PTPRQ: variants seen among roughly 807,000 people sequenced by gnomAD.
PTPRQ encodes the protein phosphatidylinositol phosphatase PTPRQ.
A neutral mutation model predicts 246.0 loss-of-function variants in PTPRQ; 199 were observed. The observed-to-expected ratio is 0.81, with a 90% confidence interval of 0.72 to 0.91. The LOEUF (loss-of-function observed/expected upper bound fraction) is 0.91, where lower values mean the gene tolerates loss of function less well. Ranked by LOEUF, PTPRQ falls within the 40% of genes least tolerant of loss-of-function variation. The pLI is 0.00. For synonymous variants in PTPRQ, 869 were observed against 853.2 expected, an observed-to-expected ratio of 1.02 and a Z score of -0.32; for missense variants, 2,624 against 2,528.4, an observed-to-expected ratio of 1.04 and a Z score of -0.81.
Position 80,457,596 on chromosome 12 carries a change from G to A in PTPRQ, c.412G>A (p.Gly138Ser). Residue 138 changes from glycine to serine, a missense_variant, in exon 4 of 45, where the codon GGC becomes AGC. Physicochemically the swap from Gly to Ser is moderately conservative, Grantham distance 56. Coordinates refer to ENST00000644991, the MANE Select transcript of PTPRQ (RefSeq NM_001145026.2). ...CTAGGTTGCTGCTGAAAACAGTGCTGGCATTGGAGTGTTTAGTGATCCATT... is the reference window on the plus strand; with the variant it reads ...CTAGGTTGCTGCTGAAAACAGTGCTAGCATTGGAGTGTTTAGTGATCCATT... ...EIKVAAENSAGIGVFSDPFLF... is the reference protein window; with the variant it reads ...EIKVAAENSASIGVFSDPFLF... 5.0e-6 allele frequency: 2 copies of A among 400,216 alleles called. No individual in the cohort carries two copies. The allele number at this position is 400,216 out of a possible 1,614,324, so 24.8% of individuals were successfully genotyped here. A position where few individuals can be genotyped will look rare whatever the true frequency, so the allele number is the denominator to read the frequency against.
intron 4 of PTPRQ, 68 bp from the exon 5 acceptor site, chr12:80,459,216 A>G (rs889424765): frequency 4.5e-5 from 18 of 397,224 alleles, no homozygotes; most frequent in Non-Finnish European, 8.0e-5. Context: ...ATGTACCATG[A>G]AATTATATAA....
chr12:80,497,657 G>T (rs1424227687), intron 14 of PTPRQ, among the ~76,000 whole-genome samples: 1 of 152,038 alleles, frequency 6.6e-6, no homozygotes, highest in African/African-American at 2.4e-5. Flanking sequence ...AAGACAGTTT[G>T]TCTGTTAATC....
At chr12:80,482,073 T>C (rs1272644989) in intron 8 of PTPRQ, among the ~76,000 whole-genome samples, 1 of 151,458 alleles carries the variant, frequency 6.6e-6, no homozygotes, top group Admixed American at 6.6e-5. Context: ...GCCAAGTCAA[T>C]CCTAAGCCAA....
At chr12:80,526,563 A>G (rs1467144930) in intron 17 of PTPRQ, among the ~76,000 whole-genome samples, 1 of 152,148 alleles carries the variant, frequency 6.6e-6, no homozygotes, top group Non-Finnish European at 1.5e-5. Context: ...AGTAAATTTA[A>G]AGTTTTGCCC....
chr12:80,463,562 T>C (rs944077938), intron 6 of PTPRQ, among the ~76,000 whole-genome samples: 1 of 151,814 alleles, frequency 6.6e-6, no homozygotes, highest in African/African-American at 2.4e-5. Flanking sequence ...AGACACATAA[T>C]TGTCAGATTC....
At chr12:80,675,913 T>C (rs1287981176) in intron 43 of PTPRQ, among the ~76,000 whole-genome samples, 1 of 152,182 alleles carries the variant, frequency 6.6e-6, no homozygotes, top group African/African-American at 2.4e-5. Context: ...TTTGTAAAAT[T>C]GCCCTGTTAC....
At chr12:80,524,489 G>A (rs145903130) in intron 17 of PTPRQ, among the ~76,000 whole-genome samples, 2 of 152,118 alleles carry the variant, frequency 1.3e-5, no homozygotes, top group African/African-American at 2.4e-5. Flanking sequence ...TATCAGCAGC[G>A]TAAAAACAGA....
chr12:80,472,400 G>A, intron 8 of PTPRQ, 149 bp downstream of exon 8: 1 of 1,184,162 alleles, frequency 8.4e-7, no homozygotes, highest in Non-Finnish European at 1.2e-6. Flanking sequence ...TTCTGAACAT[G>A]TGTTCTCCAG....
intron 26 of PTPRQ, among the ~76,000 whole-genome samples, chr12:80,598,000 C>T (rs1470965118): frequency 6.6e-6 from 1 of 151,880 alleles, no homozygotes; most frequent in African/African-American, 2.4e-5. Context: ...AGTATTGAAA[C>T]TGAGAGGTTT....
chr12:80,508,195 G>A (rs1895022073), intron 16 of PTPRQ, among the ~76,000 whole-genome samples: 1 of 151,918 alleles, frequency 6.6e-6, no homozygotes, highest in Non-Finnish European at 1.5e-5. Flanking sequence ...TAAAGAACAA[G>A]ACTCCCTTGT....
intron 26 of PTPRQ, among the ~76,000 whole-genome samples, chr12:80,597,139 A>G (rs944487947): frequency 2.6e-5 from 4 of 151,968 alleles, no homozygotes; most frequent in African/African-American, 7.2e-5. Context: ...GAATTTTGAC[A>G]TGCACCTCAA....
intron 28 of PTPRQ, 22 bp downstream of exon 28, chr12:80,610,647 T>C (rs1592714868): frequency 6.5e-7 from 1 of 1,538,442 alleles, no homozygotes; most frequent in East Asian, 2.5e-5. Flanking sequence ...TTCTCAACCT[T>C]GCTAAAAATT....
chr12:80,666,861 A>G (rs1050443194), intron 39 of PTPRQ, among the ~76,000 whole-genome samples: 2 of 151,816 alleles, frequency 1.3e-5, no homozygotes, highest in Admixed American at 1.3e-4. Flanking sequence ...ATCACTTCTC[A>G]CCATCTCCAT....
In PTPRQ at chr12:80,480,326, T is replaced by G. The variant is rs1374135391; in HGVS notation, c.1187-4107T>G. ...AATAAAGATGTTCTTTGAAACCAAC[T>G]AGAACAAAGACACAACATACCAGAA... On this transcript the variant is annotated intron_variant, in intron 8 of 44. Coordinates refer to ENST00000644991, the MANE Select transcript of PTPRQ (RefSeq NM_001145026.2). Among the ~76,000 whole-genome samples the G allele has an allele frequency of 7.0e-3, 1,069 of 151,922 alleles. 10 individuals are homozygous for G. Among genetic ancestry groups the G allele is most frequent in the African/African-American group, 0.024 (998 of 41,314 alleles).
intron 3 of PTPRQ, among the ~76,000 whole-genome samples, chr12:80,447,336 C>T (rs7979989): frequency 0.89 from 135,417 of 152,090 alleles, 60,646 homozygotes; most frequent in Non-Finnish European, 0.92. Context: ...TTTTCTCCAG[C>T]TCTGTAGGTT....
At chr12:80,584,979 G>A (rs1897564037) in intron 25 of PTPRQ, among the ~76,000 whole-genome samples, 2 of 150,090 alleles carry the variant, frequency 1.3e-5, no homozygotes, top group Admixed American at 1.3e-4. Context: ...GCCAGTTTTG[G>A]TAAATATATA....
chr12:80,498,123 C>A (rs1253969864), intron 14 of PTPRQ, among the ~76,000 whole-genome samples: 1 of 151,980 alleles, frequency 6.6e-6, no homozygotes, highest in East Asian at 1.9e-4. Context: ...GATATTAATC[C>A]ATATATTGGC....
chr12:80,515,024 T>C (rs1274904282), intron 17 of PTPRQ, among the ~76,000 whole-genome samples: 1 of 138,338 alleles, frequency 7.2e-6, no homozygotes, highest in Non-Finnish European at 1.7e-5. Flanking sequence ...TGCTTTAGTA[T>C]CTTATTAACA....
At chr12:80,522,200 G>A (rs948456447) in intron 17 of PTPRQ, among the ~76,000 whole-genome samples, 2 of 152,122 alleles carry the variant, frequency 1.3e-5, no homozygotes, top group Non-Finnish European at 2.9e-5. Context: ...TGTGATTTTT[G>A]TACATTGATT....
Sources: gnomAD v4.1 joint callset for allele counts (sites outside exome capture counted in the v4.1 genomes callset) on GRCh38, gnomAD v4.1.1 for gene constraint, MANE v1.5 for transcripts, NCBI Gene and HGNC (gene_info 2026-07-23, HGNC 2026-07-21) for gene names.